The following ADCY9 variants were observed in gnomAD, a reference collection of about 807,000 sequenced individuals.
ADCY9 encodes the protein adenylate cyclase type 9.
In ADCY9, 50 loss-of-function variants were observed where a neutral mutation model predicts 101.5. The ratio of observed to expected loss-of-function variants is 0.49; its 90% CI spans 0.39 to 0.62. The LOEUF (loss-of-function observed/expected upper bound fraction) is 0.62. Among genes scored for constraint, ADCY9 ranks in the 20% least tolerant of loss-of-function variants. The probability of loss-of-function intolerance (pLI) is 0.00; values close to 1 mark genes in which losing one functional copy is unlikely to be tolerated. For missense variants in ADCY9, 1,662 were observed against 1,800.4 expected (o/e 0.92, Z 1.39); for synonymous variants, 905 against 769.3 (o/e 1.18, Z -2.92).
rs776256089 is a variant in ADCY9 at position 3,977,534 on chromosome 16, C to T, written c.2776G>A (p.Val926Ile). Reference sequence around the variant, plus strand: ...AGGAGCAGCGGCCCGGCCCCCACGACGGTGGCGAGGGAGGACCTCATCCAG... The same window carrying T: ...AGGAGCAGCGGCCCGGCCCCCACGATGGTGGCGAGGGAGGACCTCATCCAG... The part of the protein sequence containing the change: ...SSWMRSSLAT[V>I]VGAGPLLLLY... Residue 926 changes from valine to isoleucine, a missense_variant, in exon 9 of 11, where the codon GTC becomes ATC. Physicochemically the swap from Val to Ile is conservative, Grantham distance 29. Coordinates refer to ENST00000294016, the MANE Select transcript of ADCY9 (RefSeq NM_001116.4). 31 of 1,599,280 alleles carry T rather than the reference C, an allele frequency of 1.9e-5. No homozygotes were observed. Among genetic ancestry groups the T allele is most frequent in the Middle Eastern group, 3.3e-4 (2 of 6,044 alleles).
intron 2 of ADCY9, among the ~76,000 whole-genome samples, chr16:4,106,345 C>T (rs1272471832): frequency 6.6e-6 from 1 of 152,180 alleles, no homozygotes. Flanking sequence ...TTGGCCCACA[C>T]CACGGATGGC....
At chr16:3,962,449 G>A (rs1170612436), downstream of ADCY9, among the ~76,000 whole-genome samples, 2 of 152,016 alleles carry the variant, frequency 1.3e-5, no homozygotes, top group African/African-American at 4.8e-5. Flanking sequence ...AAGTTAACTG[G>A]AGCAAATAGA....
intron 2 of ADCY9, among the ~76,000 whole-genome samples, chr16:4,096,708 A>G (rs1597223418): frequency 6.6e-6 from 1 of 152,254 alleles, no homozygotes; most frequent in African/African-American, 2.4e-5. Context: ...ACTTTCACTT[A>G]AAGTGTCATA....
chr16:3,993,374 A>G (rs2056261928), intron 4 of ADCY9, 32 bp downstream of exon 4: 1 of 1,608,610 alleles, frequency 6.2e-7, no homozygotes, highest in Admixed American at 1.7e-5. Flanking sequence ...CAGGAGAGGA[A>G]CTGACAGGAA....
At chr16:3,954,269 C>T (rs543233660) in intron 5 of ADCY9, among the ~76,000 whole-genome samples, 1 of 152,320 alleles carries the variant, frequency 6.6e-6, no homozygotes, top group South Asian at 2.1e-4. Context: ...AACGACGATG[C>T]TTCGACATCC....
At chr16:4,058,524 A>G (rs1333481151) in intron 2 of ADCY9, among the ~76,000 whole-genome samples, 1 of 151,938 alleles carries the variant, frequency 6.6e-6, no homozygotes, top group East Asian at 1.9e-4. Flanking sequence ...ATGTGACACC[A>G]GAGCTCAGGC....
intron 2 of ADCY9, among the ~76,000 whole-genome samples, chr16:4,044,190 T>C (rs2141141586): frequency 6.6e-6 from 1 of 151,938 alleles, no homozygotes. Flanking sequence ...CTACTAAAAA[T>C]ACAAAAATTA....
At chr16:4,035,340 C>T (rs765720501) in intron 2 of ADCY9, among the ~76,000 whole-genome samples, 1 of 152,086 alleles carries the variant, frequency 6.6e-6, no homozygotes, top group Non-Finnish European at 1.5e-5. Flanking sequence ...CACAGGACAG[C>T]TATTATATCT....
chr16:3,978,958 G>A (rs1227885590), intron 8 of ADCY9, among the ~76,000 whole-genome samples, 158 bp downstream of exon 8: 1 of 152,110 alleles, frequency 6.6e-6, no homozygotes, highest in Non-Finnish European at 1.5e-5. Context: ...CTTGTGATCT[G>A]CCCACCTCCA....
chr16:3,993,329 C>T (rs746704368), intron 4 of ADCY9, 77 bp downstream of exon 4: 6 of 1,584,032 alleles, frequency 3.8e-6, no homozygotes, highest in Middle Eastern at 1.7e-4. Flanking sequence ...ACTAAGAAGT[C>T]GACAAGACAG....
At chr16:4,045,761 C>T (rs113113715) in intron 2 of ADCY9, among the ~76,000 whole-genome samples, 2,816 of 151,660 alleles carry the variant, frequency 0.019, 94 homozygotes, top group African/African-American at 0.064. Context: ...TACAGTGGCG[C>T]GATCTTGGCT....
intron 3 of ADCY9, among the ~76,000 whole-genome samples, chr16:3,998,720 A>AG (rs2056306842): frequency 7.0e-6 from 1 of 142,506 alleles, no homozygotes; most frequent in African/African-American, 2.6e-5. Context: ...AAAAAAAAAA[A>AG]AAAAAAAAAA....
At chr16:3,987,685 A>G (rs2056205312) in intron 6 of ADCY9, among the ~76,000 whole-genome samples, 1 of 152,190 alleles carries the variant, frequency 6.6e-6, no homozygotes, top group Non-Finnish European at 1.5e-5. Context: ...CCACCCCACG[A>G]GGCATGAACT....
chr16:4,085,984 T>C (rs2056935525), intron 2 of ADCY9, among the ~76,000 whole-genome samples: 1 of 151,270 alleles, frequency 6.6e-6, no homozygotes. Flanking sequence ...ACTCGCTGAG[T>C]ATCTACTGTG....
chr16:3,967,696 CT>C (rs35803770), intron 10 of ADCY9, among the ~76,000 whole-genome samples: 451 of 129,556 alleles, frequency 3.5e-3, no homozygotes, highest in African/African-American at 8.1e-3. Context: ...GGCCTAACAT[CT>C]TTTTTTTTTT....
At chr16:4,035,453 C>T (rs1374091827) in intron 2 of ADCY9, among the ~76,000 whole-genome samples, 2 of 152,206 alleles carry the variant, frequency 1.3e-5, no homozygotes, top group East Asian at 1.9e-4. Context: ...AATTGCCATA[C>T]AGAGTGATTA....
intron 2 of ADCY9, among the ~76,000 whole-genome samples, chr16:4,019,063 C>A (rs1009624938): frequency 6.6e-6 from 1 of 151,190 alleles, no homozygotes; most frequent in African/African-American, 2.4e-5. Context: ...GCAGCCTCGA[C>A]GTCCTGGGCT....
intron 7 of ADCY9, among the ~76,000 whole-genome samples, chr16:3,980,483 T>C (rs1171117148): frequency 6.6e-6 from 1 of 152,148 alleles, no homozygotes; most frequent in African/African-American, 2.4e-5. Flanking sequence ...AGGCCTGCTG[T>C]CCCTGCCTCA....
intron 2 of ADCY9, among the ~76,000 whole-genome samples, chr16:4,032,632 C>G (rs1169889855): frequency 6.6e-6 from 1 of 151,532 alleles, no homozygotes; most frequent in Non-Finnish European, 1.5e-5. Context: ...GCCTCAGCCT[C>G]CCATGTAGCT....
Sources: allele counts gnomAD v4.1 joint callset (sites outside exome capture counted in the v4.1 genomes callset), GRCh38; gene constraint gnomAD v4.1.1; transcripts MANE v1.5; gene names NCBI Gene and HGNC (gene_info 2026-07-23, HGNC 2026-07-21).